The following MYO5B variants were observed in gnomAD, a reference collection of about 807,000 sequenced individuals.
MYO5B encodes the protein myosin VB, also known as unconventional myosin-Vb.
A neutral mutation model predicts 229.3 loss-of-function variants in MYO5B; 143 were observed. The ratio of observed to expected loss-of-function variants is 0.62; its 90% CI spans 0.54 to 0.72. The LOEUF is 0.72. Ranked by LOEUF, MYO5B falls within the 30% of genes least tolerant of loss-of-function variation. The pLI, the probability that MYO5B is intolerant of heterozygous loss-of-function variation, is 0.00. For missense variants in MYO5B, 2,321 were observed against 2,331.0 expected (o/e 1.00, Z 0.09); for synonymous variants, 918 against 885.2 (o/e 1.04, Z -0.66).
chr18:49,980,644 T>C, intron 8 of MYO5B, 91 bp from the exon 9 acceptor site: 1 of 924,694 alleles, frequency 1.1e-6, no homozygotes, highest in South Asian at 1.4e-5. Flanking sequence ...TTTTTTTTAA[T>C]AAGGTTTGAT....
chr18:49,920,123 T>C (rs1047415626), intron 17 of MYO5B, among the ~76,000 whole-genome samples: 1 of 152,104 alleles, frequency 6.6e-6, no homozygotes, highest in East Asian at 1.9e-4. Context: ...TCTATAGAAA[T>C]AGAAAGTAGG....
At chr18:50,117,726 C>T (rs1026434457) in intron 1 of MYO5B, among the ~76,000 whole-genome samples, 1 of 152,174 alleles carries the variant, frequency 6.6e-6, no homozygotes, top group Admixed American at 6.5e-5. Context: ...CAGACCCAAA[C>T]AGCTTCCCAG....
intron 1 of MYO5B, among the ~76,000 whole-genome samples, chr18:50,182,154 G>C (rs1402672845): frequency 6.6e-6 from 1 of 152,208 alleles, no homozygotes; most frequent in African/African-American, 2.4e-5. Context: ...GAATACGAAA[G>C]ATGGTCTGAA....
In MYO5B at chr18:50,077,168, T is replaced by TAAA. The variant is rs71169476; in HGVS notation, c.28-21793_28-21791dup. Among the ~76,000 whole-genome samples the TAAA allele has an allele frequency of 2.0e-3, 161 of 81,206 alleles. 1 individual carries two copies. The highest frequency in any genetic ancestry group is 6.6e-3 in the African/African-American group (146 of 22,242). 53.3% of individuals were successfully genotyped at this position (81,206 alleles called of 152,430 possible). ...TTAGGGTTAATTTATTGTGGCAAAG[T>TAAA]AAAAAAAAAAAAAAAAAAAAAAAAA... On this transcript the variant is annotated intron_variant, in intron 1 of 39. Coordinates refer to ENST00000285039, the MANE Select transcript of MYO5B (RefSeq NM_001080467.3).
chr18:50,026,321 G>C (rs1237775510), intron 4 of MYO5B, among the ~76,000 whole-genome samples: 1 of 138,794 alleles, frequency 7.2e-6, no homozygotes, highest in African/African-American at 2.7e-5. Flanking sequence ...ACTGTAAAAG[G>C]GCAGTAAAGT....
chr18:50,146,255 A>C (rs948489986), intron 1 of MYO5B, among the ~76,000 whole-genome samples: 7 of 152,250 alleles, frequency 4.6e-5, no homozygotes, highest in African/African-American at 1.7e-4. Flanking sequence ...TGGGGAAATC[A>C]AAACCCAGGG....
chr18:49,965,195 G>A (rs563302485), intron 10 of MYO5B, among the ~76,000 whole-genome samples: 87 of 152,334 alleles, frequency 5.7e-4, no homozygotes, highest in African/African-American at 1.8e-3. Context: ...GAAGGAAGAT[G>A]TGGATGAGAG....
chr18:49,841,561 G>C, intron 34 of MYO5B, 107 bp from the exon 35 acceptor site: 2 of 1,045,396 alleles, frequency 1.9e-6, no homozygotes, highest in South Asian at 1.3e-5. Flanking sequence ...GTGTTCCTGA[G>C]CAGCCCTGAG....
In MYO5B at chr18:49,836,733, C is replaced by G. The variant is rs1289515329; in HGVS notation, c.5291G>C (p.Cys1764Ser). The change falls in exon 38 of 40, where the codon TGT (cysteine) becomes TCT (serine). Residue 1764 changes from cysteine (C) to serine (S), a missense_variant. Around this residue, in one of 2 missense-constraint regions of MYO5B, gnomAD observed 208 missense variants for 286.3 expected, o/e 0.73. Transcript: ENST00000285039. ...QEDAEAICSLCTSLSTQQIVK... is the reference protein window; with the variant it reads ...QEDAEAICSLSTSLSTQQIVK... ...TACCTGCTGGGTGCTGAGGGAGGTA[C>G]ACAGGGAGCAGATAGCCTCTGCGTC... 1 of 1,613,972 alleles carries G rather than the reference C, an allele frequency of 6.2e-7. No homozygotes were observed. Among genetic ancestry groups the G allele is most frequent in the Non-Finnish European group, 8.5e-7 (1 of 1,180,010 alleles).
chr18:49,962,541 G>A, intron 11 of MYO5B, 135 bp from the exon 12 acceptor site: 6 of 1,231,394 alleles, frequency 4.9e-6, no homozygotes, highest in South Asian at 1.3e-5. Context: ...CTAAGTCATA[G>A]TTATGACTGC....
intron 1 of MYO5B, among the ~76,000 whole-genome samples, chr18:50,141,860 C>G (rs1007905811): frequency 1.3e-5 from 2 of 152,184 alleles, no homozygotes; most frequent in Non-Finnish European, 2.9e-5. Flanking sequence ...AGTCCCATTC[C>G]CTGCCTCACC....
At chr18:50,058,675 G>C (rs549676297) in intron 1 of MYO5B, among the ~76,000 whole-genome samples, 6 of 152,128 alleles carry the variant, frequency 3.9e-5, no homozygotes, top group Non-Finnish European at 8.8e-5. Flanking sequence ...GCCGGGCGTG[G>C]TGGCGGGTGC....
intron 1 of MYO5B, among the ~76,000 whole-genome samples, chr18:50,080,238 G>T (rs2144467960): frequency 6.6e-6 from 1 of 152,224 alleles, no homozygotes; most frequent in Admixed American, 6.5e-5. Context: ...TGACACTACA[G>T]CAACTTGGTA....
At chr18:49,949,700 A>G (rs951679308) in intron 14 of MYO5B, among the ~76,000 whole-genome samples, 1 of 152,248 alleles carries the variant, frequency 6.6e-6, no homozygotes, top group Non-Finnish European at 1.5e-5. Context: ...AAAGTACTTT[A>G]GGTAAAATTA....
intron 1 of MYO5B, among the ~76,000 whole-genome samples, chr18:50,135,583 T>C (rs182159526): frequency 6.6e-6 from 1 of 152,334 alleles, no homozygotes; most frequent in African/African-American, 2.4e-5. Flanking sequence ...AAGGGCTAAG[T>C]ATTCAATCTA....
At chr18:50,193,473 A>C (rs1212792267) in intron 1 of MYO5B, among the ~76,000 whole-genome samples, 5 of 152,226 alleles carry the variant, frequency 3.3e-5, no homozygotes. Context: ...ATAATTCCTC[A>C]AACTTAGAAG....
intron 4 of MYO5B, among the ~76,000 whole-genome samples, chr18:50,011,991 G>A (rs535085555): frequency 6.6e-6 from 1 of 152,194 alleles, no homozygotes; most frequent in Admixed American, 6.5e-5. Context: ...GTTCAGGGAA[G>A]AGGCAACGCT....
In MYO5B at chr18:49,887,745, A is replaced by T. The variant is rs138742218; in HGVS notation, c.3045+7196T>A. Among the ~76,000 whole-genome samples the T allele has an allele frequency of 5.8e-4, 89 of 152,180 alleles. 1 individual carries two copies. The East Asian group carries it at 0.016, about 28-fold the overall frequency. On this transcript the variant is annotated intron_variant, in intron 22 of 39. Transcript: ENST00000285039. ...ACCCAGACTGGATTGCAGTGGCGCG[A>T]TCTCAGCTCACAGCAACCTCTGCCT...
intron 1 of MYO5B, among the ~76,000 whole-genome samples, chr18:50,062,495 G>A (rs2030712945): frequency 6.6e-6 from 1 of 152,174 alleles, no homozygotes. Flanking sequence ...CAAGTGGCTT[G>A]GTACCTGGAA....
Sources: gnomAD v4.1 joint callset for allele counts (sites outside exome capture counted in the v4.1 genomes callset) on GRCh38, gnomAD v4.1.1 for gene constraint, gnomAD v4.1.1 regional missense constraint, MANE v1.5 for transcripts, NCBI Gene and HGNC (gene_info 2026-07-23, HGNC 2026-07-21) for gene names.